The following TTN variants were observed in gnomAD, a reference collection of about 807,000 sequenced individuals.
The protein encoded by TTN is titin.
In TTN, 1,525 loss-of-function variants were observed where a neutral mutation model predicts 3,223.0. The ratio of observed to expected loss-of-function variants is 0.47; its 90% CI spans 0.45 to 0.49. TTN has a LOEUF of 0.49. Ranked by LOEUF, TTN falls within the 20% of genes least tolerant of loss-of-function variation. TTN has a pLI of 0.00. For synonymous variants in TTN, 14,094 were observed against 15,161.0 expected, an observed-to-expected ratio of 0.93 and a Z score of 5.17; for missense variants, 40,786 against 43,424.0, an observed-to-expected ratio of 0.94 and a Z score of 5.40.
At position 178,724,505 on chromosome 2, in the gene TTN, A is replaced by C; in HGVS notation, c.20870T>G (p.Met6957Arg). 1 of 1,606,616 alleles carries C rather than the reference A, an allele frequency of 6.2e-7. No homozygotes were observed. The highest frequency in any genetic ancestry group is 8.5e-7 in the Non-Finnish European group (1 of 1,174,406). The change falls in exon 72 of 363, where the codon ATG becomes AGG. Residue 6957 changes from methionine (M) to arginine (R), a missense_variant. By Grantham distance (91) the Met-to-Arg change is moderately conservative. Coordinates refer to ENST00000589042, the MANE Select transcript of TTN (RefSeq NM_001267550.2). ...PAVIVEKAGPMTVTVGETCTL... is the reference protein window; with the variant it reads ...PAVIVEKAGPRTVTVGETCTL... ...GCACGTTTCTCCTACAGTCACCGTC[A>C]TCGGTCCTGCCTTCTCAACAATGAC...
At position 178,535,086 on chromosome 2, in the gene TTN, C is replaced by G. The variant is rs377406091; in HGVS notation, c.101529G>C (p.Lys33843Asn). 6 of 1,613,716 alleles carry G rather than the reference C, an allele frequency of 3.7e-6. No individual in the cohort carries two copies. Among genetic ancestry groups the G allele is most frequent in the Non-Finnish European group, 5.1e-6 (6 of 1,179,852 alleles). ...CTTTAACAAATTTGGCCATGTATGT[C>G]TTCTTTGAGGATGTTTCAACACAAC... ...VHRCVETSSK[K>N]TYMAKFVKVK... Residue 33843 changes from lysine (K) to asparagine (N), a missense_variant, in exon 358 of 363, where the codon AAG becomes AAC. Transcript: ENST00000589042.
In TTN at chr2:178,646,519, T is replaced by G. The variant is rs1239846647; in HGVS notation, c.40263A>C (p.Glu13421Asp). The change falls in exon 216 of 363, where the codon GAA (glutamate) becomes GAC (aspartate). Residue 13421 changes from glutamate (E) to aspartate (D), a missense_variant. Transcript: ENST00000589042. Reference protein sequence around the residue: ...IEKYIKPEEPEPEPQPEEIPV... With the variant: ...IEKYIKPEEPDPEPQPEEIPV... ...GTATTTCTTCAGGCTGTGGTTCAGG[T>G]TCGGGCTCTTCAGGTTTAATATACT... The G allele has an allele frequency of 1.3e-6, 2 of 1,548,212 alleles. No homozygotes were observed. The highest frequency in any genetic ancestry group is 1.7e-6 in the Non-Finnish European group (2 of 1,145,360).
rs889392294 is a variant in TTN, at chr2:178,543,258, G to A, written c.96715C>T (p.Leu32239Phe). The A allele has an allele frequency of 1.9e-6, 3 of 1,613,644 alleles. No individual in the cohort carries two copies. The highest frequency in any genetic ancestry group is 3.3e-5 in the Admixed American group (2 of 59,964). Residue 32239 changes from leucine (L) to phenylalanine (F), a missense_variant, in exon 347 of 363, where the codon CTC becomes TTC. By Grantham distance (22) the Leu-to-Phe change is conservative (BLOSUM62 0). Coordinates refer to ENST00000589042, the MANE Select transcript of TTN (RefSeq NM_001267550.2). ...DGGSRLTGYV[L>F]EACKAGTERW... ...TCTGTGCCAGCTTTGCAGGCCTCGA[G>A]AACATATCCAGTGAGTCGGCTACCA... is the stretch of plus-strand genomic sequence containing the variant.
At chr2:178,677,069 A>G (rs971909989) in intron 147 of TTN, 132 bp downstream of exon 147, 40 of 446,708 alleles carry the variant, frequency 9.0e-5, no homozygotes, top group Non-Finnish European at 1.3e-4. Flanking sequence ...GTTCCTGAAC[A>G]TCGTTAGAAG....
chr2:178,601,594 C>T (rs776551221), intron 286 of TTN, 30 bp from the exon 287 acceptor site: 48 of 1,591,946 alleles, frequency 3.0e-5, no homozygotes, highest in Middle Eastern at 1.7e-4. Flanking sequence ...ATATAAGCAA[C>T]GTTCCTTAAA....
chr2:178,794,204 C>T (rs2093652925), intron 8 of TTN, among the ~76,000 whole-genome samples, 195 bp downstream of exon 8: 1 of 152,224 alleles, frequency 6.6e-6, no homozygotes, highest in Non-Finnish European at 1.5e-5. Flanking sequence ...TTGTGATACT[C>T]ACATTGTCAA....
In TTN at chr2:178,529,024, A is replaced by G. The variant is rs144188176; in HGVS notation, c.106727T>C (p.Val35576Ala). ...CAGGGAGGTTGCTGCTGATTTCTTG[A>G]CTTCTTCAGAAATCAGAACCTTTGA... ...EASKVLISEEVKKSAATSLEK... is the reference protein window; with the variant it reads ...EASKVLISEEAKKSAATSLEK... Residue 35576 changes from valine (V) to alanine (A), a missense_variant, in exon 360 of 363, where the codon GTC (valine) becomes GCC (alanine). Val to Ala is a moderately conservative substitution (Grantham distance 64). Transcript: ENST00000589042. The G allele has an allele frequency of 1.2e-6, 2 of 1,613,878 alleles. No homozygotes were observed. Among genetic ancestry groups the G allele is most frequent in the African/African-American group, 2.7e-5 (2 of 75,002 alleles).
intron 37 of TTN, among the ~76,000 whole-genome samples, chr2:178,769,208 G>A (rs935827658): frequency 2.6e-5 from 4 of 151,468 alleles, no homozygotes; most frequent in Admixed American, 2.6e-4. Flanking sequence ...GGAGATACTA[G>A]TGCTTTACTC....
At chr2:178,753,011 T>G (rs2085973067) in intron 47 of TTN, 113 bp downstream of exon 47, 1 of 798,058 alleles carries the variant, frequency 1.3e-6, no homozygotes, top group Non-Finnish European at 2.1e-6. Flanking sequence ...AGAGATATAT[T>G]TGTATATCTA....
Position 178,578,934 on chromosome 2 carries a change from T to G in TTN, c.68096A>C (p.Gln22699Pro). The change falls in exon 320 of 363, where the codon CAG becomes CCG. Residue 22699 changes from glutamine to proline, a missense_variant. Transcript: ENST00000589042. ...NKWVTCASAVQKTTFRVTRLH... is the reference protein window; with the variant it reads ...NKWVTCASAVPKTTFRVTRLH... ...TCTGGTTACTCTAAAGGTGGTTTTC[T>G]GGACAGCTGAGGCGCACGTCACCCA... The G allele has an allele frequency of 6.2e-7, 1 of 1,613,314 alleles. No homozygotes were observed. The highest frequency in any genetic ancestry group is 8.5e-7 in the Non-Finnish European group (1 of 1,179,500).
chr2:178,725,919 G>A lies in TTN; in HGVS notation c.20403C>T (p.Leu6801=). 6.2e-7 allele frequency: 1 copy of A among 1,613,030 alleles called. No individual in the cohort carries two copies. Among genetic ancestry groups the A allele is most frequent in the Non-Finnish European group, 8.5e-7 (1 of 1,179,408 alleles). Residue 6801 remains leucine (L), a synonymous_variant, in exon 70 of 363, where the codon CTC becomes CTT. Transcript: ENST00000589042. ...EVVWYKDKRQ[L]RSSKKYKIAS... ...CAATCTTGTATTTCTTGCTGCTTCTGAGTTGCCGCTTGTCTTTGTACCATA... is the reference window on the plus strand; with the variant it reads ...CAATCTTGTATTTCTTGCTGCTTCTAAGTTGCCGCTTGTCTTTGTACCATA...
rs786205388 is a variant in TTN, at chr2:178,588,970, A to G, written c.62755T>C (p.Leu20919=). Reference sequence around the variant, plus strand: ...CGTGTTACTGTAGTACCAGGTGTCAAGACAGTAGCAGAATAGGTAGACCAA... The same window carrying G: ...CGTGTTACTGTAGTACCAGGTGTCAGGACAGTAGCAGAATAGGTAGACCAA... The part of the protein sequence containing the change: ...MVWSTYSATV[L]TPGTTVTRLI... The change falls in exon 304 of 363, where the codon TTG becomes CTG. Residue 20919 remains leucine (L), a synonymous_variant. Transcript: ENST00000589042. 1 of 1,612,416 alleles carries G rather than the reference A, an allele frequency of 6.2e-7. No homozygotes were observed. Among genetic ancestry groups the G allele is most frequent in the Non-Finnish European group, 8.5e-7 (1 of 1,179,360 alleles).
intron 103 of TTN, 60 bp from the exon 104 acceptor site, chr2:178,705,026 A>G (rs2154291470): frequency 1.3e-6 from 2 of 1,594,874 alleles, no homozygotes; most frequent in South Asian, 1.1e-5. Flanking sequence ...TAGAGGACGC[A>G]TGACTATATT....
chr2:178,738,015 A>T, intron 49 of TTN, 67 bp downstream of exon 49: 2 of 1,562,404 alleles, frequency 1.3e-6, no homozygotes, highest in Non-Finnish European at 1.7e-6. Context: ...CCACACATGT[A>T]CAGAAAGCAA....
chr2:178,750,272 G>A (rs772399387), intron 47 of TTN: 1 of 1,613,204 alleles, frequency 6.2e-7, no homozygotes. Flanking sequence ...GACTTTATGT[G>A]CTTTGACATC....
At chr2:178,783,116 A>G (rs2092920273) in intron 17 of TTN, 52 bp from the exon 18 acceptor site, 1 of 1,599,274 alleles carries the variant, frequency 6.3e-7, no homozygotes, top group Non-Finnish European at 8.6e-7. Flanking sequence ...TTCATTAATC[A>G]CTTCTGTTTT....
intron 47 of TTN, chr2:178,747,627 C>T (rs748574225): frequency 6.2e-7 from 1 of 1,613,246 alleles, no homozygotes; most frequent in South Asian, 1.1e-5. Context: ...TTTGCCTGGT[C>T]TCTGGTGTCT....
chr2:178,703,310 G>C (rs1353480471), intron 106 of TTN, among the ~76,000 whole-genome samples: 1 of 152,030 alleles, frequency 6.6e-6, no homozygotes, highest in African/African-American at 2.4e-5. Context: ...ACTCTGGTGA[G>C]CTCTATTTAC....
At position 178,569,708 on chromosome 2, in the gene TTN, T is replaced by C. The variant is rs375737413; in HGVS notation, c.76424A>G (p.His25475Arg). The C allele has an allele frequency of 6.2e-7, 1 of 1,613,126 alleles. No homozygotes were observed. The highest frequency in any genetic ancestry group is 1.7e-5 in the Admixed American group (1 of 59,952). Residue 25475 changes from histidine (H) to arginine (R), a missense_variant, in exon 326 of 363, where the codon CAT (histidine) becomes CGT (arginine). Coordinates refer to ENST00000589042, the MANE Select transcript of TTN (RefSeq NM_001267550.2). ...NIEVEKLLEK[H>R]EYNFRICAIN... ...AGCACAGATACGGAAGTTGTATTCA[T>C]GCTTTTCCAACAGCTTCTCTACTTC...
Sources: allele counts gnomAD v4.1 joint callset (sites outside exome capture counted in the v4.1 genomes callset), GRCh38; gene constraint gnomAD v4.1.1; transcripts MANE v1.5; gene names NCBI Gene and HGNC (gene_info 2026-07-23, HGNC 2026-07-21).